The following TAFA1 variants were observed in gnomAD, a reference collection of about 807,000 sequenced individuals.
TAFA1 encodes chemokine-like protein TAFA-1.
In TAFA1, 4 loss-of-function variants were observed where a neutral mutation model predicts 18.5. The ratio of observed to expected loss-of-function variants is 0.22; its 90% CI spans 0.11 to 0.49. TAFA1 has a LOEUF of 0.49. Ranked by LOEUF, TAFA1 falls within the 20% of genes least tolerant of loss-of-function variation. The pLI, the probability that TAFA1 is intolerant of heterozygous loss-of-function variation, is 0.98. For synonymous variants in TAFA1, 56 were observed against 55.2 expected (o/e 1.01, Z -0.06); for missense variants, 147 against 169.0 (o/e 0.87, Z 0.72).
chr3:68,411,248 G>A (rs552932801), intron 2 of TAFA1, among the ~76,000 whole-genome samples: 1 of 152,296 alleles, frequency 6.6e-6, no homozygotes, highest in African/African-American at 2.4e-5. Context: ...GGCTCTTGAT[G>A]TAGCCAAAAA....
chr3:68,156,349 G>A (rs1212116752), intron 2 of TAFA1, among the ~76,000 whole-genome samples: 3 of 152,194 alleles, frequency 2.0e-5, no homozygotes, highest in Non-Finnish European at 4.4e-5. Context: ...GAGTTTGTAA[G>A]CAACGCTGCC....
chr3:68,442,389 T>A (rs1322549405), intron 3 of TAFA1, among the ~76,000 whole-genome samples: 5 of 152,032 alleles, frequency 3.3e-5, no homozygotes, highest in Non-Finnish European at 2.9e-5. Flanking sequence ...TCCATTCCCC[T>A]CCAAAGACAA....
chr3:68,190,131 T>C (rs1474838082), intron 2 of TAFA1, among the ~76,000 whole-genome samples: 3 of 151,160 alleles, frequency 2.0e-5, no homozygotes, highest in Non-Finnish European at 4.4e-5. Context: ...CAGAAAGAGA[T>C]ACTAACGAAT....
intron 3 of TAFA1, among the ~76,000 whole-genome samples, chr3:68,517,540 T>C (rs905720038): frequency 6.6e-6 from 1 of 152,056 alleles, no homozygotes; most frequent in Non-Finnish European, 1.5e-5. Context: ...TGTAATAAGA[T>C]GAGCGATACA....
chr3:68,213,766 G>A (rs1468637616), intron 2 of TAFA1, among the ~76,000 whole-genome samples: 1 of 152,176 alleles, frequency 6.6e-6, no homozygotes, highest in East Asian at 1.9e-4. Context: ...CACAGTAAAT[G>A]TCTGTGATCA....
intron 2 of TAFA1, among the ~76,000 whole-genome samples, chr3:68,256,313 G>A (rs563631993): frequency 1.3e-5 from 2 of 152,130 alleles, no homozygotes; most frequent in South Asian, 2.1e-4. Flanking sequence ...TTTTCAATAC[G>A]AGGAGTTCTC....
intron 2 of TAFA1, among the ~76,000 whole-genome samples, chr3:68,014,917 C>T (rs1704539381): frequency 6.6e-6 from 1 of 152,124 alleles, no homozygotes; most frequent in Non-Finnish European, 1.5e-5. Flanking sequence ...TAAATCAAGA[C>T]TGATGGCTCT....
intron 2 of TAFA1, among the ~76,000 whole-genome samples, chr3:68,364,662 T>A (rs2069532339): frequency 1.3e-5 from 2 of 152,196 alleles, no homozygotes; most frequent in African/African-American, 4.8e-5. Flanking sequence ...ATAGACTATA[T>A]ATTCTTCAAT....
At chr3:68,445,680 A>C (rs1199395830) in intron 3 of TAFA1, among the ~76,000 whole-genome samples, 1 of 152,034 alleles carries the variant, frequency 6.6e-6, no homozygotes, top group Non-Finnish European at 1.5e-5. Flanking sequence ...CATCAGAATC[A>C]CCTAGAGGGT....
intron 2 of TAFA1, among the ~76,000 whole-genome samples, chr3:68,065,398 G>A: frequency 6.6e-6 from 1 of 152,108 alleles, no homozygotes; most frequent in South Asian, 2.1e-4. Context: ...ATCTTGCTGT[G>A]ACGGGCAATG....
intron 3 of TAFA1, among the ~76,000 whole-genome samples, chr3:68,448,964 C>T: frequency 6.6e-6 from 1 of 152,126 alleles, no homozygotes; most frequent in East Asian, 1.9e-4. Flanking sequence ...AGAATTTGAG[C>T]TGCCTGTTAC....
At chr3:68,370,205 A>G (rs1314083540) in intron 2 of TAFA1, among the ~76,000 whole-genome samples, 2 of 134,874 alleles carry the variant, frequency 1.5e-5, no homozygotes, top group African/African-American at 2.8e-5. Flanking sequence ...GGAGAATGGC[A>G]TGAACCCGGG....
intron 2 of TAFA1, among the ~76,000 whole-genome samples, chr3:68,161,301 G>A (rs2065922899): frequency 6.6e-6 from 1 of 152,132 alleles, no homozygotes; most frequent in Admixed American, 6.5e-5. Context: ...TTTCATCTGT[G>A]TACTTAACCT....
chr3:68,010,244 T>C (rs1476030744), intron 2 of TAFA1, among the ~76,000 whole-genome samples: 1 of 152,220 alleles, frequency 6.6e-6, no homozygotes, highest in Non-Finnish European at 1.5e-5. Flanking sequence ...CCCCAGCCTC[T>C]TACGGGCACT....
intron 2 of TAFA1, among the ~76,000 whole-genome samples, chr3:68,384,729 T>C (rs1203858796): frequency 6.6e-6 from 1 of 152,090 alleles, no homozygotes. Context: ...TTTTGAATTT[T>C]CTACCTCAAT....
At chr3:68,097,339 T>A (rs2065097697) in intron 2 of TAFA1, among the ~76,000 whole-genome samples, 1 of 152,158 alleles carries the variant, frequency 6.6e-6, no homozygotes, top group Admixed American at 6.6e-5. Flanking sequence ...TATGTTCAGG[T>A]TGAAGAGCAG....
Position 68,030,141 on chromosome 3 carries a change from G to A in TAFA1, c.118+23397G>A, listed in dbSNP as rs138337513. On this transcript the variant is annotated intron_variant, in intron 2 of 4. Coordinates refer to ENST00000478136, the MANE Select transcript of TAFA1 (RefSeq NM_213609.4). Reference sequence around the variant, plus strand: ...AAATATCATGAGAATAAAGATAAATGGAAATAAAATGGGTGACATTATTAA... The same window carrying A: ...AAATATCATGAGAATAAAGATAAATAGAAATAAAATGGGTGACATTATTAA... 7.9e-5 allele frequency among the ~76,000 whole-genome samples: 12 copies of A among 152,032 alleles called. No individual in the cohort carries two copies. In the East Asian group the frequency reaches 2.1e-3, roughly 27 times the overall value.
chr3:68,079,523 C>T (rs375570744), intron 2 of TAFA1, among the ~76,000 whole-genome samples: 1 of 151,996 alleles, frequency 6.6e-6, no homozygotes, highest in African/African-American at 2.4e-5. Context: ...TCTTTGTTCT[C>T]GTTGGTTTCA....
At chr3:68,449,415 C>T (rs76054684) in intron 3 of TAFA1, among the ~76,000 whole-genome samples, 3,081 of 152,064 alleles carry the variant, frequency 0.02, 54 homozygotes, top group Non-Finnish European at 0.031. Context: ...AGAATGTAGG[C>T]GGTATTTTAC....
Sources: allele counts gnomAD v4.1 joint callset (sites outside exome capture counted in the v4.1 genomes callset), GRCh38; gene constraint gnomAD v4.1.1; transcripts MANE v1.5; gene names NCBI Gene and HGNC (gene_info 2026-07-23, HGNC 2026-07-21).